KIAA0825: variants seen among roughly 807,000 people sequenced by gnomAD.
The protein encoded by KIAA0825 is uncharacterized protein KIAA0825.
In KIAA0825, 119 loss-of-function variants were observed where a neutral mutation model predicts 147.6. The ratio of observed to expected loss-of-function variants is 0.81; its 90% confidence interval spans 0.69 to 0.94. The LOEUF is 0.94. Among genes scored for constraint, KIAA0825 ranks in the 40% least tolerant of loss-of-function variants. The pLI, the probability that KIAA0825 is intolerant of heterozygous loss-of-function variation, is 0.00. For missense variants in KIAA0825, 1,381 were observed against 1,472.7 expected (o/e 0.94, Z 1.02); for synonymous variants, 470 against 518.1 (o/e 0.91, Z 1.26).
At chr5:94,493,249 T>A (rs1231952196) in intron 5 of KIAA0825, among the ~76,000 whole-genome samples, 1 of 152,168 alleles carries the variant, frequency 6.6e-6, no homozygotes, top group Non-Finnish European at 1.5e-5. Context: ...TCATCACTCT[T>A]CCCATTTCAT....
At chr5:94,262,070 A>G (rs1393638537) in intron 20 of KIAA0825, among the ~76,000 whole-genome samples, 1 of 152,186 alleles carries the variant, frequency 6.6e-6, no homozygotes. Context: ...AATATTTGCA[A>G]TACATATAGC....
chr5:94,205,756 T>C (rs1772139545), intron 20 of KIAA0825, among the ~76,000 whole-genome samples: 1 of 152,184 alleles, frequency 6.6e-6, no homozygotes, highest in Non-Finnish European at 1.5e-5. Flanking sequence ...CCCACTGCTA[T>C]GTAGCCAGTG....
intron 1 of KIAA0825, among the ~76,000 whole-genome samples, chr5:94,617,575 T>A (rs1449371012): frequency 6.6e-6 from 1 of 152,198 alleles, no homozygotes; most frequent in Non-Finnish European, 1.5e-5. Flanking sequence ...GGGAACTGAC[T>A]GTTTTGAAAA....
In KIAA0825 at chr5:94,351,145, G is replaced by A. The variant is rs1783622860; in HGVS notation, c.3710+33223C>T. On this transcript the variant is annotated intron_variant, in intron 20 of 20. Coordinates refer to ENST00000682413, the MANE Select transcript of KIAA0825 (RefSeq NM_001145678.3). Reference sequence around the variant, plus strand: ...GGTCAAACAGTCACATCAGTTTGCTGATGATAGGATTATTTACCTTGAAAA... The same window carrying A: ...GGTCAAACAGTCACATCAGTTTGCTAATGATAGGATTATTTACCTTGAAAA... Among the ~76,000 whole-genome samples, 9 of 152,126 alleles carry A rather than the reference G, an allele frequency of 5.9e-5. No individual in the cohort carries two copies. The South Asian group carries it at 1.7e-3, about 28-fold the overall frequency.
rs140864522 is a variant in KIAA0825 at position 94,211,305 on chromosome 5, A to G, written c.3711-57181T>C. On this transcript the variant is annotated intron_variant, in intron 20 of 20. Coordinates refer to ENST00000682413, the MANE Select transcript of KIAA0825 (RefSeq NM_001145678.3). ...TGCCCCTTCTTGGTACCAATAACTC[A>G]GATGCATGGAAGTTTCTCCACATGT... Among the ~76,000 whole-genome samples the G allele has an allele frequency of 2.0e-3, 300 of 152,310 alleles. 2 individuals carry two copies. Among genetic ancestry groups the G allele is most frequent in the African/African-American group, 6.6e-3 (275 of 41,564 alleles).
rs1203671500 is a variant in KIAA0825, at chr5:94,184,706, T to A, written c.3711-30582A>T. 5.9e-5 allele frequency among the ~76,000 whole-genome samples: 9 copies of A among 152,334 alleles called. No individual in the cohort carries two copies. In the East Asian group the frequency reaches 1.7e-3, roughly 29 times the overall value. On this transcript the variant is annotated intron_variant, in intron 20 of 20. Transcript: ENST00000682413. ...ACTTATGAAAATGCATATATTTATA[T>A]ATACACATATACACACACATACACA...
At chr5:94,243,055 G>T (rs1315264157) in intron 20 of KIAA0825, among the ~76,000 whole-genome samples, 1 of 152,150 alleles carries the variant, frequency 6.6e-6, no homozygotes, top group Non-Finnish European at 1.5e-5. Flanking sequence ...CTGTGTGATT[G>T]TGGGCAAGTT....
chr5:94,479,025 T>C (rs1214140691), intron 6 of KIAA0825, among the ~76,000 whole-genome samples: 2 of 152,174 alleles, frequency 1.3e-5, no homozygotes, highest in African/African-American at 4.8e-5. Flanking sequence ...TGCCCTTAGT[T>C]TCCTCTACTG....
At chr5:94,437,562 G>C (rs1427442781) in intron 14 of KIAA0825, among the ~76,000 whole-genome samples, 3 of 152,128 alleles carry the variant, frequency 2.0e-5, no homozygotes, top group Admixed American at 1.3e-4. Context: ...ACAACATCAT[G>C]TTATACATAC....
chr5:94,556,669 C>T (rs1344395299), intron 2 of KIAA0825, among the ~76,000 whole-genome samples: 2 of 152,304 alleles, frequency 1.3e-5, no homozygotes, highest in African/African-American at 2.4e-5. Context: ...GAGCTTTGTT[C>T]CATGAATTAT....
chr5:94,589,245 G>A lies in KIAA0825; in HGVS notation c.-152-6662C>T, dbSNP rs140662807. On this transcript the variant is annotated intron_variant, in intron 1 of 20. Transcript: ENST00000682413. Reference sequence around the variant, plus strand: ...CTGATTAAGTTGATTTGGGGTTGGGGCCTGAAATTTTGCATTTCTAACAAG... The same window carrying A: ...CTGATTAAGTTGATTTGGGGTTGGGACCTGAAATTTTGCATTTCTAACAAG... 5.3e-3 allele frequency among the ~76,000 whole-genome samples: 806 copies of A among 152,254 alleles called. 6 individuals are homozygous for A. Among genetic ancestry groups the A allele is most frequent in the Middle Eastern group, 0.014 (4 of 294 alleles).
At chr5:94,205,137 G>GT (rs1034798462) in intron 20 of KIAA0825, among the ~76,000 whole-genome samples, 12 of 151,418 alleles carry the variant, frequency 7.9e-5, no homozygotes, top group Admixed American at 4.6e-4. Context: ...GTACATCATG[G>GT]TTTTTTCCAT....
At position 94,435,109 on chromosome 5, in the gene KIAA0825, AC is replaced by A. The variant is rs1756170144; in HGVS notation, c.2497+4872del. Among the ~76,000 whole-genome samples the A allele has an allele frequency of 1.3e-5, 2 of 152,014 alleles. 1 individual carries two copies. The highest frequency in any genetic ancestry group is 4.1e-4 in the South Asian group (2 of 4,826). On this transcript the variant is annotated intron_variant, in intron 14 of 20. Transcript: ENST00000682413. ...AGTTTTATCAATTAGATGAAAAAAAACCACTATTTTTTTTTCTTTTTTTTTA... is the reference window on the plus strand; with the variant it reads ...AGTTTTATCAATTAGATGAAAAAAAACACTATTTTTTTTTCTTTTTTTTTA...
At chr5:94,408,423 CACT>C (rs1469052344) in intron 15 of KIAA0825, among the ~76,000 whole-genome samples, 2 of 152,118 alleles carry the variant, frequency 1.3e-5, no homozygotes, top group African/African-American at 4.8e-5. Context: ...GATCTTGGCT[CACT>C]GTAACTTCTG....
intron 5 of KIAA0825, among the ~76,000 whole-genome samples, chr5:94,494,501 A>G (rs1384485494): frequency 6.6e-6 from 1 of 152,064 alleles, no homozygotes; most frequent in Non-Finnish European, 1.5e-5. Context: ...CTTTTGTTTT[A>G]TGCTGGTTTA....
intron 20 of KIAA0825, among the ~76,000 whole-genome samples, chr5:94,212,157 G>T (rs149124395): frequency 1.3e-5 from 2 of 152,210 alleles, no homozygotes; most frequent in African/African-American, 4.8e-5. Flanking sequence ...ATAAACATTT[G>T]TCCCCCATGG....
intron 20 of KIAA0825, among the ~76,000 whole-genome samples, chr5:94,373,844 T>C (rs1747116857): frequency 6.6e-6 from 1 of 152,208 alleles, no homozygotes; most frequent in African/African-American, 2.4e-5. Context: ...TCTCTCATAA[T>C]TGTCACAGTA....
intron 12 of KIAA0825, among the ~76,000 whole-genome samples, chr5:94,457,634 C>T (rs1393389122): frequency 2.0e-5 from 3 of 152,208 alleles, no homozygotes; most frequent in East Asian, 1.9e-4. Flanking sequence ...CCTATGTTGC[C>T]GGCATTCCTT....
At chr5:94,182,632 C>T (rs1041565179) in intron 20 of KIAA0825, among the ~76,000 whole-genome samples, 3 of 152,008 alleles carry the variant, frequency 2.0e-5, no homozygotes, top group African/African-American at 7.3e-5. Flanking sequence ...TTCCCCTAAG[C>T]AAGTACTGAT....
Sources: allele counts gnomAD v4.1 joint callset (sites outside exome capture counted in the v4.1 genomes callset), GRCh38; gene constraint gnomAD v4.1.1; transcripts MANE v1.5; gene names NCBI Gene and HGNC (gene_info 2026-07-23, HGNC 2026-07-21).